Variants in METAP1D observed in about 807,000 individuals in gnomAD.
The protein encoded by METAP1D is methionine aminopeptidase 1D, mitochondrial.
In METAP1D, 31 loss-of-function variants were observed where a neutral mutation model predicts 40.5. The observed-to-expected ratio is 0.77, with a 90% confidence interval of 0.58 to 1.03. The LOEUF (loss-of-function observed/expected upper bound fraction) is 1.03. Among genes scored for constraint, METAP1D ranks in the 50% least tolerant of loss-of-function variants. METAP1D has a pLI of 0.00. For missense variants in METAP1D, 411 were observed against 420.7 expected, an observed-to-expected ratio of 0.98 and a Z score of 0.20; for synonymous variants, 151 against 146.4, an observed-to-expected ratio of 1.03 and a Z score of -0.22.
intron 1 of METAP1D, among the ~76,000 whole-genome samples, chr2:172,035,074 G>A (rs1237348713): frequency 2.7e-5 from 4 of 150,638 alleles, no homozygotes; most frequent in Admixed American, 2.0e-4. Flanking sequence ...AATATGTAGA[G>A]AGAAACGTGT....
chr2:172,016,316 T>C (rs1209601770), intron 1 of METAP1D, among the ~76,000 whole-genome samples: 24 of 97,954 alleles, frequency 2.5e-4, no homozygotes, highest in African/African-American at 7.9e-4. Context: ...TATATATATA[T>C]ATATATATAT....
chr2:172,014,907 C>A (rs1284039490), intron 1 of METAP1D, among the ~76,000 whole-genome samples: 1 of 152,142 alleles, frequency 6.6e-6, no homozygotes, highest in Non-Finnish European at 1.5e-5. Context: ...CCACCTCAGC[C>A]TCCCTAAGTG....
intron 1 of METAP1D, among the ~76,000 whole-genome samples, chr2:172,047,786 T>C (rs1446469535): frequency 6.6e-6 from 1 of 152,198 alleles, no homozygotes; most frequent in African/African-American, 2.4e-5. Context: ...ATAGTACACT[T>C]TACAGGGAAT....
At position 172,063,784 on chromosome 2, in the gene METAP1D, A is replaced by C; in HGVS notation, c.272A>C (p.Glu91Ala). 6.2e-7 allele frequency: 1 copy of C among 1,614,130 alleles called. No individual in the cohort carries two copies. Among genetic ancestry groups the C allele is most frequent in the Non-Finnish European group, 8.5e-7 (1 of 1,180,012 alleles). Residue 91 changes from glutamate to alanine, a missense_variant, in exon 3 of 10, where the codon GAA (glutamate) becomes GCA (alanine). Coordinates refer to ENST00000315796, the MANE Select transcript of METAP1D (RefSeq NM_199227.3). ...DWGDSIEVKN[E>A]DQIQGLHQAC... is the part of the protein sequence containing the mutation. ...GGAGACAGCATAGAAGTTAAGAATG[A>C]AGATCAGATTCAAGGGCTTCATCAG... is the stretch of plus-strand genomic sequence containing the variant.
chr2:172,006,823 C>G (rs1457232304), intron 1 of METAP1D, among the ~76,000 whole-genome samples: 1 of 152,180 alleles, frequency 6.6e-6, no homozygotes, highest in East Asian at 1.9e-4. Flanking sequence ...TTTGCCTCCC[C>G]ACAGGTGGAT....
chr2:172,041,412 T>A (rs1439759721), intron 1 of METAP1D, among the ~76,000 whole-genome samples: 5 of 124,880 alleles, frequency 4.0e-5, no homozygotes, highest in Non-Finnish European at 7.4e-5. Context: ...TGAGCCGATA[T>A]CGTGCCACTG....
At chr2:172,078,027 GCA>G (rs1690590191) in intron 7 of METAP1D, 133 bp downstream of exon 7, 1 of 499,124 alleles carries the variant, frequency 2.0e-6, no homozygotes. Flanking sequence ...TGTGCAGGGG[GCA>G]GGGGAGGGGG....
At chr2:172,046,898 C>T (rs1235122358) in intron 1 of METAP1D, among the ~76,000 whole-genome samples, 3 of 152,168 alleles carry the variant, frequency 2.0e-5, no homozygotes, top group Non-Finnish European at 4.4e-5. Context: ...ATCATTTGCA[C>T]AGTGATTAAA....
chr2:172,037,789 T>G (rs2105428267), intron 1 of METAP1D, among the ~76,000 whole-genome samples: 1 of 152,338 alleles, frequency 6.6e-6, no homozygotes, highest in South Asian at 2.1e-4. Flanking sequence ...AGAGCCACCA[T>G]GTTTTGTCTC....
chr2:172,070,724 G>A (rs934855917), intron 5 of METAP1D, 183 bp from the exon 6 acceptor site: 1 of 352,656 alleles, frequency 2.8e-6, no homozygotes, highest in Admixed American at 4.8e-5. Flanking sequence ...TCATTGCATG[G>A]CTTCATCTTT....
At chr2:172,007,108 C>T (rs1688603207) in intron 1 of METAP1D, among the ~76,000 whole-genome samples, 1 of 138,032 alleles carries the variant, frequency 7.2e-6, no homozygotes, top group Admixed American at 7.3e-5. Context: ...GTTTTGTTGA[C>T]TGCTGTTTTT....
intron 2 of METAP1D, among the ~76,000 whole-genome samples, chr2:172,062,626 G>A (rs1473809246): frequency 6.6e-6 from 1 of 152,014 alleles, no homozygotes; most frequent in Non-Finnish European, 1.5e-5. Flanking sequence ...CTCTTTGGGG[G>A]AGACCTGGTG....
chr2:172,023,742 C>G (rs764544889), intron 1 of METAP1D, among the ~76,000 whole-genome samples: 46 of 151,716 alleles, frequency 3.0e-4, no homozygotes, highest in Non-Finnish European at 4.1e-4. Flanking sequence ...TTGAAATGCA[C>G]CCCCCAAAAA....
chr2:172,019,868 A>AT (rs1161741594), intron 1 of METAP1D, among the ~76,000 whole-genome samples: 1 of 151,956 alleles, frequency 6.6e-6, no homozygotes, highest in Non-Finnish European at 1.5e-5. Flanking sequence ...TTAGTTCATG[A>AT]TTTTTTCTCT....
At chr2:172,041,189 G>T (rs910860195) in intron 1 of METAP1D, among the ~76,000 whole-genome samples, 1 of 151,898 alleles carries the variant, frequency 6.6e-6, no homozygotes, top group African/African-American at 2.4e-5. Context: ...GGCTGGATGC[G>T]GTGGCTCATT....
chr2:172,044,219 G>A (rs62183827), intron 1 of METAP1D, among the ~76,000 whole-genome samples: 92,948 of 131,346 alleles, frequency 0.71, 38,658 homozygotes, highest in East Asian at 0.94. Context: ...AGTTGAAACA[G>A]TGTAGTACAC....
chr2:172,045,727 GTGTGTA>G (rs1163877471), intron 1 of METAP1D, among the ~76,000 whole-genome samples: 2 of 82,152 alleles, frequency 2.4e-5, no homozygotes, highest in African/African-American at 8.0e-5. Context: ...GTGTGTGTGT[GTGTGTA>G]TATATATGTG....
chr2:172,018,904 G>C (rs1372560647), intron 1 of METAP1D, among the ~76,000 whole-genome samples: 1 of 152,116 alleles, frequency 6.6e-6, no homozygotes, highest in East Asian at 1.9e-4. Context: ...AGTCTTCTTA[G>C]TCTTCTATAA....
rs1401980701 is a variant in METAP1D, at chr2:172,063,647, G to GA, written c.199-58dup. 23 of 1,301,234 alleles carry GA rather than the reference G, an allele frequency of 1.8e-5. No individual in the cohort carries two copies. The South Asian group carries it at 2.5e-4, about 14-fold the overall frequency. 80.6% of individuals were successfully genotyped at this position (1,301,234 alleles called of 1,614,324 possible). On this transcript the variant is annotated intron_variant, in intron 2 of 9. Coordinates refer to ENST00000315796, the MANE Select transcript of METAP1D (RefSeq NM_199227.3). ...CTCCATGAAGCAGGAGGCTGTGTCT[G>GA]AAAAAATGATCCCATTGTCGTGCGC...
Sources: allele counts gnomAD v4.1 joint callset (sites outside exome capture counted in the v4.1 genomes callset), GRCh38; gene constraint gnomAD v4.1.1; transcripts MANE v1.5; gene names NCBI Gene and HGNC (gene_info 2026-07-23, HGNC 2026-07-21).